The following DPH1 variants were observed in gnomAD, a reference collection of about 807,000 sequenced individuals.
DPH1 encodes the protein diphthamide biosynthesis 1.
DPH1 carries 59 observed loss-of-function variants against 55.3 expected under a neutral mutation model. That is an observed-to-expected ratio of 1.07 (90% CI 0.87 to 1.33). DPH1 has a LOEUF of 1.33. DPH1 is among the 40% of genes most tolerant of loss of function. The pLI, the probability that DPH1 is intolerant of heterozygous loss-of-function variation, is 0.00. For synonymous variants in DPH1, 238 were observed against 235.5 expected (o/e 1.01, Z -0.10); for missense variants, 628 against 584.8 (o/e 1.07, Z -0.76).
At chr17:2,030,991 A>G (rs747042090) in intron 1 of DPH1, among the ~76,000 whole-genome samples, 10 of 152,038 alleles carry the variant, frequency 6.6e-5, no homozygotes, top group Non-Finnish European at 1.0e-4. Flanking sequence ...GGTCCCTCCT[A>G]TCATAGTGTG....
intron 3 of DPH1, among the ~76,000 whole-genome samples, 163 bp downstream of exon 3, chr17:2,034,005 A>G (rs747601373): frequency 7.2e-5 from 11 of 152,058 alleles, no homozygotes; most frequent in African/African-American, 2.2e-4. Context: ...GGAAAACCCA[A>G]AACAAATCTC....
intron 9 of DPH1, chr17:2,040,864 G>A: frequency 1.6e-6 from 1 of 626,816 alleles, no homozygotes; most frequent in Non-Finnish European, 2.8e-6. Context: ...GGTACTAAAT[G>A]TGGTTCTGGG....
rs199608890 is a variant in DPH1 at position 2,030,362 on chromosome 17, C to CA, written c.61+132_61+133insA. 1,968 of 1,109,930 alleles carry CA rather than the reference C, an allele frequency of 1.8e-3. 19 individuals carry two copies. The African/African-American group carries it at 0.028, about 16-fold the overall frequency. The allele number at this position is 1,109,930 out of a possible 1,614,324, so 68.8% of individuals were successfully genotyped here. ...AGATCCCGCTGTTAGTCGCCTTGGG[C>CA]CGCTGTCACCAGCTCGGGGTCGCTG... On this transcript the variant is annotated intron_variant, in intron 1 of 12. Transcript: ENST00000263083.
chr17:2,039,526 C>T (rs541393511), intron 6 of DPH1: 17 of 476,324 alleles, frequency 3.6e-5, no homozygotes, highest in African/African-American at 9.9e-5. Flanking sequence ...TACAGGCGCC[C>T]GTCACCACAC....
At position 2,036,472 on chromosome 17, in the gene DPH1, C is replaced by G. The variant is rs747016560; in HGVS notation, c.401-57C>G. ...GGCTGCTCAGAGACCTGAGCCTGGC[C>G]GGGCCCTCTGCTGCTCCTGCCTTCC... On this transcript the variant is annotated intron_variant, in intron 4 of 12. Coordinates refer to ENST00000263083, the MANE Select transcript of DPH1 (RefSeq NM_001383.6). The surrounding 1 kb of genome is among the most constrained non-coding windows in gnomAD (Gnocchi z 4.8). 1 of 1,598,368 alleles carries G rather than the reference C, an allele frequency of 6.3e-7. No individual in the cohort carries two copies. Among genetic ancestry groups the G allele is most frequent in the Non-Finnish European group, 8.5e-7 (1 of 1,170,078 alleles).
rs201391773 is a variant in DPH1, at chr17:2,038,147, C to CAA, written c.680+1216_680+1217dup. Among the ~76,000 whole-genome samples the CAA allele has an allele frequency of 7.9e-4, 86 of 108,746 alleles. 1 individual carries two copies. The highest frequency in any genetic ancestry group is 4.5e-3 in the East Asian group (14 of 3,138). The allele number at this position is 108,746 out of a possible 152,430, so 71.3% of individuals were successfully genotyped here. ...GAATATAATGAAACCCTGTTCTCTC[C>CAA]AAAAAAAAAAAAAAAAAAAAAAAAA... On this transcript the variant is annotated intron_variant, in intron 6 of 12. Coordinates refer to ENST00000263083, the MANE Select transcript of DPH1 (RefSeq NM_001383.6).
rs1412840018 is a variant in DPH1, at chr17:2,043,110, C to G, written c.*524C>G. On this transcript the variant is annotated 3_prime_UTR_variant, in exon 13 of 13. Transcript: ENST00000263083. ...TGGACCAGTTTGCAGAGTGAAAGAT[C>G]AAGAAATGTCTCTGCTCCTACATCC... The G allele has an allele frequency of 6.2e-7, 1 of 1,611,324 alleles. No homozygotes were observed. Among genetic ancestry groups the G allele is most frequent in the East Asian group, 2.2e-5 (1 of 44,844 alleles).
At position 2,041,113 on chromosome 17, in the gene DPH1, G is replaced by A; in HGVS notation, c.1018G>A (p.Val340Met). The A allele has an allele frequency of 3.1e-6, 5 of 1,602,344 alleles. No homozygotes were observed. The highest frequency in any genetic ancestry group is 4.3e-6 in the Non-Finnish European group (5 of 1,174,342). ...GGCTTCCCTTCCCAGGTGGGTGCAG[G>A]TGGCATGTCCACGTCTCTCCATTGA... ...LLPEVDVWVQ[V>M]ACPRLSIDWG... Residue 340 changes from valine to methionine, a missense_variant, in exon 10 of 13, where the codon GTG becomes ATG. Physicochemically the swap from Val to Met is conservative, Grantham distance 21. Transcript: ENST00000263083.
At chr17:2,042,019 G>C in intron 12 of DPH1, 144 bp downstream of exon 12, 2 of 1,495,280 alleles carry the variant, frequency 1.3e-6, no homozygotes, top group Non-Finnish European at 1.8e-6. Context: ...GACCGCTTCC[G>C]GTGCTTCCGT....
At position 2,033,956 on chromosome 17, in the gene DPH1, C is replaced by A. The variant is rs1050264267; in HGVS notation, c.278+114C>A. The A allele has an allele frequency of 3.4e-6, 4 of 1,190,586 alleles. No individual in the cohort carries two copies. In the African/African-American group the frequency reaches 6.0e-5, roughly 18 times the overall value. The allele number at this position is 1,190,586 out of a possible 1,614,324, so 73.8% of individuals were successfully genotyped here. On this transcript the variant is annotated intron_variant, in intron 3 of 12. Transcript: ENST00000263083. The stretch of plus-strand genomic sequence containing the variant: ...GGCATTTTTTCCTTCTGAACCTCCA[C>A]CTTCCCCCTTTCCCTCCCACAACCA...
At chr17:2,034,611 C>T (rs2067380532) in intron 3 of DPH1, among the ~76,000 whole-genome samples, 1 of 54,664 alleles carries the variant, frequency 1.8e-5, no homozygotes, top group South Asian at 8.3e-4. Flanking sequence ...CCCCCTTCCC[C>T]TCCCCTGCTC....
chr17:2,042,948 G>A lies in DPH1; in HGVS notation c.*362G>A. On this transcript the variant is annotated 3_prime_UTR_variant, in exon 13 of 13. Coordinates refer to ENST00000263083, the MANE Select transcript of DPH1 (RefSeq NM_001383.6). ...CATTGCCTTCGCTCCATGTTTTTGGGGACACTGACAAAGTCATCCCCTCTC... is the reference window on the plus strand; with the variant it reads ...CATTGCCTTCGCTCCATGTTTTTGGAGACACTGACAAAGTCATCCCCTCTC... 4 of 1,614,130 alleles carry A rather than the reference G, an allele frequency of 2.5e-6. No individual in the cohort carries two copies. Among genetic ancestry groups the A allele is most frequent in the Non-Finnish European group, 3.4e-6 (4 of 1,180,026 alleles).
rs1407563761 is a variant in DPH1, at chr17:2,041,885, C to G, written c.*18+10C>G. The G allele has an allele frequency of 3.2e-6, 5 of 1,564,516 alleles. No homozygotes were observed. The highest frequency in any genetic ancestry group is 1.4e-5 in the African/African-American group (1 of 73,916). On this transcript the variant is annotated intron_variant, in intron 12 of 12. Transcript: ENST00000263083. ...CGCTCCCGGGCCTCAGGTATCAGCC[C>G]CCGCTCTGGGTGCGCCCCGCCTTTT...
At chr17:2,040,987 G>A (rs2067510680) in intron 9 of DPH1, 116 bp from the exon 10 acceptor site, 1 of 1,000,448 alleles carries the variant, frequency 1.0e-6, no homozygotes, top group South Asian at 1.4e-5. Flanking sequence ...CTTTACTTTA[G>A]GATTCATAAA....
intron 3 of DPH1, 47 bp downstream of exon 3, chr17:2,033,889 C>T: frequency 6.2e-7 from 1 of 1,608,116 alleles, no homozygotes; most frequent in Non-Finnish European, 8.5e-7. Flanking sequence ...GCTTCCCCCA[C>T]CCCCTATGCT....
chr17:2,043,173 C>T lies in DPH1; in HGVS notation c.*587C>T. 2 of 1,528,168 alleles carry T rather than the reference C, an allele frequency of 1.3e-6. No homozygotes were observed. The highest frequency in any genetic ancestry group is 1.8e-6 in the Non-Finnish European group (2 of 1,128,276). The allele number at this position is 1,528,168 out of a possible 1,614,324, so 94.7% of individuals were successfully genotyped here. A position where few individuals can be genotyped will look rare whatever the true frequency, so the allele number is the denominator to read the frequency against. The stretch of plus-strand genomic sequence containing the variant: ...GGCAGCCTCCGTCATCCATGCCCTC[C>T]CAGGACCCTCCACTCACTGCTGTGA... On this transcript the variant is annotated 3_prime_UTR_variant, in exon 13 of 13. Transcript: ENST00000263083.
chr17:2,042,759 C>T lies in DPH1; in HGVS notation c.*173C>T. 4.4e-6 allele frequency: 7 copies of T among 1,605,714 alleles called. No individual in the cohort carries two copies. The highest frequency in any genetic ancestry group is 6.0e-6 in the Non-Finnish European group (7 of 1,176,424). ...CACTGAACAGGCTGGGGCCTTTTGA[C>T]GGCCTTCTTGGTTTCAGCCAAGGGG... On this transcript the variant is annotated 3_prime_UTR_variant, in exon 13 of 13. Coordinates refer to ENST00000263083, the MANE Select transcript of DPH1 (RefSeq NM_001383.6).
At chr17:2,042,546 C>G in intron 12 of DPH1, 59 bp from the exon 13 acceptor site, 1 of 1,481,954 alleles carries the variant, frequency 6.7e-7, no homozygotes. Context: ...TTTCTCATTT[C>G]TTTCCTTCCT....
intron 6 of DPH1, 60 bp downstream of exon 6, chr17:2,037,016 C>G (rs1261202178): frequency 6.4e-7 from 1 of 1,556,864 alleles, no homozygotes; most frequent in Non-Finnish European, 8.7e-7. Flanking sequence ...TGGGAGGGAG[C>G]CTGAGGTTCA....
Sources: allele counts gnomAD v4.1 joint callset (sites outside exome capture counted in the v4.1 genomes callset), GRCh38; gene constraint gnomAD v4.1.1; non-coding constraint Gnocchi (gnomAD v3.1); transcripts MANE v1.5; gene names NCBI Gene and HGNC (gene_info 2026-07-23, HGNC 2026-07-21).